The following PXDN variants were observed in gnomAD, a reference collection of about 807,000 sequenced individuals.
PXDN encodes the protein peroxidasin.
A neutral mutation model predicts 140.3 loss-of-function variants in PXDN; 77 were observed. The ratio of observed to expected loss-of-function variants is 0.55; its 90% confidence interval spans 0.46 to 0.66. PXDN has a LOEUF of 0.66. Among genes scored for constraint, PXDN ranks in the 30% least tolerant of loss-of-function variants. The probability of loss-of-function intolerance (pLI) is 0.00; values close to 1 mark genes in which losing one functional copy is unlikely to be tolerated. For missense variants in PXDN, 1,838 were observed against 2,039.5 expected (o/e 0.90, Z 1.90); for synonymous variants, 911 against 857.4 (o/e 1.06, Z -1.09).
At chr2:1,744,556 GGCGGGGGGCGCCAGCTGTGCACAT>G (rs1685648143), upstream of PXDN, 1 of 1,008,554 alleles carries the variant, frequency 9.9e-7, no homozygotes, top group Non-Finnish European at 1.3e-6. Flanking sequence ...GTGCGCGGGG[GGCGGGGGGCGCCAGCTGTGCACAT>G]GCGCGAGGCT....
At chr2:1,658,044 CTCTCTCTCTCT>C in intron 14 of PXDN, among the ~76,000 whole-genome samples, 2 of 111,114 alleles carry the variant, frequency 1.8e-5, no homozygotes, top group Non-Finnish European at 3.6e-5. Context: ...CTCTCTCTCT[CTCTCTCTCTCT>C]CTCTCTCTCT....
intron 13 of PXDN, 75 bp downstream of exon 13, chr2:1,661,997 G>T: frequency 1.5e-6 from 2 of 1,334,742 alleles, no homozygotes; most frequent in Non-Finnish European, 1.0e-6. Flanking sequence ...CTTGCTCCAG[G>T]TAGTGGGTGG....
At chr2:1,643,136 T>C (rs1356162093) in intron 19 of PXDN, among the ~76,000 whole-genome samples, 1 of 152,254 alleles carries the variant, frequency 6.6e-6, no homozygotes, top group Non-Finnish European at 1.5e-5. Flanking sequence ...GTTTTAGTTA[T>C]TCTGAATGTT....
intron 10 of PXDN, 94 bp from the exon 11 acceptor site, chr2:1,665,168 T>TG: frequency 1.1e-6 from 1 of 922,990 alleles, no homozygotes; most frequent in Non-Finnish European, 1.7e-6. Flanking sequence ...GGCAGACGTC[T>TG]GACCATTAGG....
intron 1 of PXDN, among the ~76,000 whole-genome samples, chr2:1,720,314 A>C (rs554320803): frequency 1.8e-4 from 24 of 132,484 alleles, no homozygotes; most frequent in African/African-American, 6.6e-4. Flanking sequence ...GGATGCAGAG[A>C]GAGAGAGATG....
In PXDN at chr2:1,684,094, C is replaced by A; in HGVS notation, c.474G>T (p.Pro158=). Residue 158 remains proline, a synonymous_variant, in exon 5 of 23, where the codon CCG becomes CCT. Transcript: ENST00000252804. ...ACACAACTCACAGCCTCTCGAGCTT[C>A]GGGAGATGCTGGAACGAATCTGGGT... is the stretch of plus-strand genomic sequence containing the variant. The part of the protein sequence containing the change: ...TLDPDSFQHL[P]KLERLFLHNN... The A allele has an allele frequency of 6.3e-7, 1 of 1,585,058 alleles. No homozygotes were observed. Among genetic ancestry groups the A allele is most frequent in the African/African-American group, 1.3e-5 (1 of 74,376 alleles).
At chr2:1,671,514 C>T (rs546398759) in intron 9 of PXDN, among the ~76,000 whole-genome samples, 13 of 151,824 alleles carry the variant, frequency 8.6e-5, no homozygotes, top group Admixed American at 1.3e-4. Flanking sequence ...CCTGCCAATA[C>T]GAATCAAGTA....
chr2:1,684,388 A>G (rs1391638416), intron 4 of PXDN, among the ~76,000 whole-genome samples: 1 of 152,206 alleles, frequency 6.6e-6, no homozygotes, highest in African/African-American at 2.4e-5. Context: ...GGAGGCCTAG[A>G]GGTGCTCACT....
intron 14 of PXDN, among the ~76,000 whole-genome samples, chr2:1,658,618 A>C (rs1337155382): frequency 6.6e-6 from 1 of 152,036 alleles, no homozygotes; most frequent in Non-Finnish European, 1.5e-5. Flanking sequence ...GCCAAATCTT[A>C]GGAAAGCAGA....
At chr2:1,703,196 T>G (rs1572172716) in intron 1 of PXDN, among the ~76,000 whole-genome samples, 1 of 25,386 alleles carries the variant, frequency 3.9e-5, no homozygotes, top group African/African-American at 2.1e-4. Context: ...CAACTCCAGG[T>G]GAAAGAGGGA....
At chr2:1,681,627 G>C (rs1683909081) in intron 6 of PXDN, among the ~76,000 whole-genome samples, 1 of 152,190 alleles carries the variant, frequency 6.6e-6, no homozygotes, top group African/African-American at 2.4e-5. Flanking sequence ...AGAGGCGACA[G>C]GAACACAGAA....
rs929103565 is a variant in PXDN at position 1,714,909 on chromosome 2, C to A, written c.201-21775G>T. On this transcript the variant is annotated intron_variant, in intron 1 of 22. Transcript: ENST00000252804. The surrounding 1 kb of genome is among the most constrained non-coding windows in gnomAD (Gnocchi z 4.3). Reference sequence around the variant, plus strand: ...GGCGCCCTGTCTTGCTCACCCTGTCCCAGATTAACCTATGTCTAGCATTTA... The same window carrying A: ...GGCGCCCTGTCTTGCTCACCCTGTCACAGATTAACCTATGTCTAGCATTTA... 6.6e-6 allele frequency among the ~76,000 whole-genome samples: 1 copy of A among 152,090 alleles called. No homozygotes were observed. The highest frequency in any genetic ancestry group is 2.4e-5 in the African/African-American group (1 of 41,418).
At chr2:1,725,457 C>A (rs1363703403) in intron 1 of PXDN, among the ~76,000 whole-genome samples, 13 of 151,762 alleles carry the variant, frequency 8.6e-5, no homozygotes, top group Non-Finnish European at 1.9e-4. Context: ...AACGTTAGAC[C>A]TAAAACCATA....
At chr2:1,741,240 G>A (rs745915642) in intron 1 of PXDN, among the ~76,000 whole-genome samples, 1 of 152,232 alleles carries the variant, frequency 6.6e-6, no homozygotes, top group Middle Eastern at 3.4e-3. Context: ...GGCGTACAAC[G>A]GCATACTTTA....
intron 1 of PXDN, among the ~76,000 whole-genome samples, chr2:1,707,691 A>AG (rs1684650766): frequency 6.6e-6 from 1 of 152,218 alleles, no homozygotes; most frequent in African/African-American, 2.4e-5. Context: ...AAAAAGGGGA[A>AG]GACATTTCCC....
Position 1,648,299 on chromosome 2 carries a change from G to A in PXDN, c.3481C>T (p.Arg1161Trp). ...ALDLAAINIQ[R>W]GRDHGIPPYH... ...GGTGGGATCCCGTGGTCCCGGCCCC[G>A]CTGGATGTTGATGGCCGCCAGGTCC... The change falls in exon 17 of 23, where the codon CGG becomes TGG. Residue 1161 changes from arginine (R) to tryptophan (W), a missense_variant. Arg to Trp is a moderately radical substitution (Grantham distance 101, BLOSUM62 -3). This residue lies in a region of PXDN where 850 missense variants were observed against 894.1 expected (regional missense o/e 0.95). Transcript: ENST00000252804. This position sits in a 1 kb window ranked among gnomAD's most constrained non-coding sequence, Gnocchi z 8.9. The A allele has an allele frequency of 1.9e-6, 3 of 1,613,838 alleles. No homozygotes were observed. Among genetic ancestry groups the A allele is most frequent in the Non-Finnish European group, 2.5e-6 (3 of 1,179,866 alleles).
chr2:1,741,085 G>A (rs552501414), intron 1 of PXDN, among the ~76,000 whole-genome samples: 1 of 152,086 alleles, frequency 6.6e-6, no homozygotes, highest in Admixed American at 6.5e-5. Flanking sequence ...CGGCTCCAGG[G>A]AAGAGAGGAA....
At chr2:1,654,358 C>G in intron 15 of PXDN, 42 bp downstream of exon 15, 1 of 1,413,850 alleles carries the variant, frequency 7.1e-7, no homozygotes, top group Non-Finnish European at 1.0e-6. Flanking sequence ...CACCCTAAAG[C>G]TCAGTGATTT....
At chr2:1,643,153 C>T (rs1388205574) in intron 19 of PXDN, among the ~76,000 whole-genome samples, 1 of 152,248 alleles carries the variant, frequency 6.6e-6, no homozygotes, top group Non-Finnish European at 1.5e-5. Context: ...TGTTCTCCCA[C>T]AGCACTGCCA....
Sources: gnomAD v4.1 joint callset for allele counts (sites outside exome capture counted in the v4.1 genomes callset) on GRCh38, gnomAD v4.1.1 for gene constraint, gnomAD v4.1.1 regional missense constraint, Gnocchi (gnomAD v3.1) non-coding constraint, MANE v1.5 for transcripts, NCBI Gene and HGNC (gene_info 2026-07-23, HGNC 2026-07-21) for gene names.